The following GHR variants were observed in gnomAD, a reference collection of about 807,000 sequenced individuals.
GHR encodes the protein GH receptor.
Under a neutral mutation model 67.1 loss-of-function variants are expected in GHR, and 35 were observed. The ratio of observed to expected loss-of-function variants is 0.52; its 90% CI spans 0.40 to 0.69. The LOEUF (loss-of-function observed/expected upper bound fraction) is 0.69, where lower values mean the gene tolerates loss of function less well. Ranked by LOEUF, GHR falls within the 30% of genes least tolerant of loss-of-function variation. The probability of loss-of-function intolerance (pLI) is 0.00; values close to 1 mark genes in which losing one functional copy is unlikely to be tolerated. For synonymous variants in GHR, 272 were observed against 269.1 expected (o/e 1.01, Z -0.10); for missense variants, 792 against 764.6 (o/e 1.04, Z -0.42).
At chr5:42,498,289 T>C (rs751624795) in intron 1 of GHR, among the ~76,000 whole-genome samples, 43 of 152,318 alleles carry the variant, frequency 2.8e-4, no homozygotes, top group Admixed American at 9.1e-4. Context: ...AAGTGCTAGC[T>C]AGCAGCAAAT....
At position 42,555,768 on chromosome 5, in the gene GHR, G is replaced by A. The variant is rs538212937; in HGVS notation, c.-11-10096G>A. Among the ~76,000 whole-genome samples, 270 of 152,254 alleles carry A rather than the reference G, an allele frequency of 1.8e-3. 5 individuals carry two copies. The Middle Eastern group carries it at 0.024, about 13-fold the overall frequency. The stretch of plus-strand genomic sequence containing the variant: ...TATGGCTAATTGTTAGGATGTAATC[G>A]TGAGTGAGACACAGCTACTGCTTCC... On this transcript the variant is annotated intron_variant, in intron 1 of 9. Coordinates refer to ENST00000230882, the MANE Select transcript of GHR (RefSeq NM_000163.5).
chr5:42,671,312 A>C (rs1293963719), intron 3 of GHR, among the ~76,000 whole-genome samples: 3 of 152,022 alleles, frequency 2.0e-5, no homozygotes, highest in Non-Finnish European at 2.9e-5. Context: ...AGTGTGAGGG[A>C]GGTGCCACAC....
At chr5:42,557,051 A>T (rs1749348517) in intron 1 of GHR, among the ~76,000 whole-genome samples, 1 of 152,222 alleles carries the variant, frequency 6.6e-6, no homozygotes, top group South Asian at 2.1e-4. Context: ...CTAGAAATCC[A>T]TGATTTCACA....
intron 1 of GHR, among the ~76,000 whole-genome samples, chr5:42,434,640 T>G (rs897409007): frequency 2.0e-5 from 3 of 152,234 alleles, no homozygotes; most frequent in African/African-American, 7.2e-5. Flanking sequence ...CCTATTAACA[T>G]GGGCTATAAC....
At chr5:42,697,711 T>C (rs929523555) in intron 5 of GHR, among the ~76,000 whole-genome samples, 3 of 152,182 alleles carry the variant, frequency 2.0e-5, no homozygotes, top group African/African-American at 7.2e-5. Flanking sequence ...CCAAAGACTT[T>C]GGCTTTCACT....
rs1338797037 is a variant in GHR, at chr5:42,467,422, T to C, written c.-12+43467T>C. 15 of 938,972 alleles carry C rather than the reference T, an allele frequency of 1.6e-5. No individual in the cohort carries two copies. In the East Asian group the frequency reaches 3.3e-4, roughly 21 times the overall value. 58.2% of individuals were successfully genotyped at this position (938,972 alleles called of 1,614,324 possible). A position where few individuals can be genotyped will look rare whatever the true frequency, so the allele number is the denominator to read the frequency against. ...AGTGTGGATCCTCTGGTGGACAATA[T>C]GGTTTGAGCTCCCAGTAAATGTTTT... On this transcript the variant is annotated intron_variant, in intron 1 of 9. Transcript: ENST00000230882.
intron 1 of GHR, among the ~76,000 whole-genome samples, chr5:42,460,762 AT>A (rs1205087126): frequency 2.0e-5 from 3 of 152,232 alleles, no homozygotes; most frequent in African/African-American, 7.2e-5. Flanking sequence ...TAGAAAAAAA[AT>A]GTTTAATAAT....
At chr5:42,599,225 C>A (rs545053470) in intron 2 of GHR, among the ~76,000 whole-genome samples, 15 of 152,296 alleles carry the variant, frequency 9.8e-5, no homozygotes, top group African/African-American at 3.6e-4. Flanking sequence ...TAAAAGCCAG[C>A]AAGTTTCCAA....
chr5:42,661,070 A>G (rs1407242948), intron 3 of GHR, among the ~76,000 whole-genome samples: 1 of 152,184 alleles, frequency 6.6e-6, no homozygotes, highest in Non-Finnish European at 1.5e-5. Flanking sequence ...AAAGAATAAA[A>G]AGAAACAAAG....
chr5:42,623,339 A>C (rs1753549666), intron 2 of GHR, among the ~76,000 whole-genome samples: 1 of 152,152 alleles, frequency 6.6e-6, no homozygotes, highest in African/African-American at 2.4e-5. Context: ...GAGGCGCTCC[A>C]CCCCAAGCAT....
chr5:42,481,642 A>G (rs557692286), intron 1 of GHR, among the ~76,000 whole-genome samples: 6 of 152,096 alleles, frequency 3.9e-5, no homozygotes, highest in Non-Finnish European at 8.8e-5. Flanking sequence ...TTCATCTTCC[A>G]TCACTGATAC....
chr5:42,590,258 T>C (rs1751705325), intron 2 of GHR, among the ~76,000 whole-genome samples: 1 of 152,184 alleles, frequency 6.6e-6, no homozygotes, highest in Non-Finnish European at 1.5e-5. Context: ...ACTTCTACTT[T>C]CAAATGTAGT....
intron 1 of GHR, among the ~76,000 whole-genome samples, chr5:42,463,716 G>A (rs537671460): frequency 4.6e-5 from 7 of 152,022 alleles, no homozygotes; most frequent in Admixed American, 3.3e-4. Context: ...TTAGTGGGCC[G>A]GGCGCGGTGG....
At position 42,605,875 on chromosome 5, in the gene GHR, G is replaced by A. The variant is rs560944575; in HGVS notation, c.71-23163G>A. On this transcript the variant is annotated intron_variant, in intron 2 of 9. Coordinates refer to ENST00000230882, the MANE Select transcript of GHR (RefSeq NM_000163.5). ...CAGGCTAATTAATAGCTTAATCCAC[G>A]GACAGCAGCTAGGAAAGTCAGAATA... is the stretch of plus-strand genomic sequence containing the variant. Among the ~76,000 whole-genome samples, 10 of 152,282 alleles carry A rather than the reference G, an allele frequency of 6.6e-5. No individual in the cohort carries two copies. The South Asian group carries it at 1.5e-3, about 22-fold the overall frequency.
In GHR at chr5:42,599,718, T is replaced by C. The variant is rs191890267; in HGVS notation, c.71-29320T>C. ...GTTATTTTTAAAAATTTGAAGAATTTAACAACAAAAACAACAACAACAACA... is the reference window on the plus strand; with the variant it reads ...GTTATTTTTAAAAATTTGAAGAATTCAACAACAAAAACAACAACAACAACA... On this transcript the variant is annotated intron_variant, in intron 2 of 9. Coordinates refer to ENST00000230882, the MANE Select transcript of GHR (RefSeq NM_000163.5). Among the ~76,000 whole-genome samples the C allele has an allele frequency of 4.2e-3, 640 of 152,256 alleles. 3 individuals are homozygous for C. Among genetic ancestry groups the C allele is most frequent in the Non-Finnish European group, 6.7e-3 (456 of 68,034 alleles).
At chr5:42,535,980 A>G (rs1748239449) in intron 1 of GHR, among the ~76,000 whole-genome samples, 1 of 152,122 alleles carries the variant, frequency 6.6e-6, no homozygotes, top group Non-Finnish European at 1.5e-5. Context: ...CTGCTGGTGT[A>G]TAGAAGAGCT....
intron 2 of GHR, among the ~76,000 whole-genome samples, chr5:42,609,303 A>G (rs111647679): frequency 1.8e-4 from 27 of 152,310 alleles, no homozygotes; most frequent in East Asian, 1.4e-3. Flanking sequence ...GCTGAACCCA[A>G]TGAAGACCAA....
In GHR at chr5:42,541,936, C is replaced by T. The variant is rs149250445; in HGVS notation, c.-11-23928C>T. On this transcript the variant is annotated intron_variant, in intron 1 of 9. Coordinates refer to ENST00000230882, the MANE Select transcript of GHR (RefSeq NM_000163.5). Reference sequence around the variant, plus strand: ...GGTTATGGGTTTTATAAGTTTGAGACGCCTATAAAACATTCAAAGAAATTA... The same window carrying T: ...GGTTATGGGTTTTATAAGTTTGAGATGCCTATAAAACATTCAAAGAAATTA... 2.1e-3 allele frequency among the ~76,000 whole-genome samples: 323 copies of T among 152,176 alleles called. 1 individual carries two copies. Among genetic ancestry groups the T allele is most frequent in the Non-Finnish European group, 3.5e-3 (235 of 68,008 alleles).
chr5:42,644,718 T>TA (rs368552439), intron 3 of GHR, among the ~76,000 whole-genome samples: 340 of 151,964 alleles, frequency 2.2e-3, no homozygotes, highest in African/African-American at 7.6e-3. Context: ...AGCATATCAT[T>TA]AAAAAAAAGA....
Sources: gnomAD v4.1 joint callset for allele counts (sites outside exome capture counted in the v4.1 genomes callset) on GRCh38, gnomAD v4.1.1 for gene constraint, MANE v1.5 for transcripts, NCBI Gene and HGNC (gene_info 2026-07-23, HGNC 2026-07-21) for gene names.